Variants in ESRRG observed in about 807,000 individuals in gnomAD.
ESRRG encodes the protein estrogen related receptor gamma.
A neutral mutation model predicts 44.0 loss-of-function variants in ESRRG; 13 were observed. That is an observed-to-expected ratio of 0.30 (90% CI 0.19 to 0.47). The LOEUF (loss-of-function observed/expected upper bound fraction) is 0.47, where lower values mean the gene tolerates loss of function less well. Ranked by LOEUF, ESRRG falls within the 20% of genes least tolerant of loss-of-function variation. The pLI is 1.00. For missense variants in ESRRG, 395 were observed against 580.6 expected, an observed-to-expected ratio of 0.68 and a Z score of 3.29; for synonymous variants, 215 against 214.6, an observed-to-expected ratio of 1.00 and a Z score of -0.02.
chr1:216,596,259 C>G (rs1373631142), intron 3 of ESRRG, among the ~76,000 whole-genome samples: 2 of 152,188 alleles, frequency 1.3e-5, no homozygotes, highest in Admixed American at 6.5e-5. Flanking sequence ...TTCAGGGCTT[C>G]TTTCTCCTCT....
intron 2 of ESRRG, among the ~76,000 whole-genome samples, chr1:216,810,589 A>G (rs1451782623): frequency 6.8e-6 from 1 of 147,594 alleles, no homozygotes; most frequent in Non-Finnish European, 1.5e-5. Context: ...TATAAATTAT[A>G]TATATAATAT....
chr1:216,817,437 G>A (rs1461040424), intron 2 of ESRRG, among the ~76,000 whole-genome samples: 1 of 152,042 alleles, frequency 6.6e-6, no homozygotes, highest in African/African-American at 2.4e-5. Flanking sequence ...TTGTAAAATG[G>A]GTTTATAGGT....
chr1:216,784,482 AAGAT>A, intron 2 of ESRRG, among the ~76,000 whole-genome samples: 1 of 152,222 alleles, frequency 6.6e-6, no homozygotes, highest in South Asian at 2.1e-4. Context: ...ATATGGGTAA[AAGAT>A]ACATATAAAG....
chr1:216,631,281 T>A (rs1197917101), intron 3 of ESRRG, among the ~76,000 whole-genome samples: 1 of 152,158 alleles, frequency 6.6e-6, no homozygotes, highest in East Asian at 1.9e-4. Flanking sequence ...ATGTATACAG[T>A]CACTTTCTCA....
At chr1:216,525,108 A>C (rs2047241953) in intron 5 of ESRRG, among the ~76,000 whole-genome samples, 1 of 152,224 alleles carries the variant, frequency 6.6e-6, no homozygotes, top group Admixed American at 6.5e-5. Flanking sequence ...GCTTGCTAGA[A>C]AAATTTAAAA....
rs139976398 is a variant in ESRRG at position 217,035,009 on chromosome 1, C to T, written c.-106+54498G>A. Among the ~76,000 whole-genome samples, 673 of 152,076 alleles carry T rather than the reference C, an allele frequency of 4.4e-3. 2 individuals carry two copies. The highest frequency in any genetic ancestry group is 0.015 in the African/African-American group (639 of 41,484). On this transcript the variant is annotated intron_variant, in intron 1 of 7. Transcript: ENST00000359162. ...AAGACTTCTAATTAAATGTCAAATC[C>T]CCCTTGCTGATGGAGAACAAGATAG...
At chr1:216,944,913 T>G (rs2150010364) in intron 1 of ESRRG, among the ~76,000 whole-genome samples, 1 of 152,242 alleles carries the variant, frequency 6.6e-6, no homozygotes, top group Admixed American at 6.5e-5. Context: ...CAGGGTAATT[T>G]GACAGTTGGA....
At chr1:217,036,882 TCAG>T (rs931684598) in intron 1 of ESRRG, among the ~76,000 whole-genome samples, 3 of 151,182 alleles carry the variant, frequency 2.0e-5, no homozygotes, top group African/African-American at 7.3e-5. Context: ...AGCCAATCAG[TCAG>T]CAGCGTGACA....
intron 2 of ESRRG, among the ~76,000 whole-genome samples, chr1:216,902,759 G>A (rs1322847417): frequency 2.6e-5 from 4 of 152,274 alleles, no homozygotes; most frequent in East Asian, 1.9e-4. Flanking sequence ...TGGCTGAAAC[G>A]ACACTCAGTT....
At chr1:216,655,187 G>A (rs1052311397) in intron 2 of ESRRG, among the ~76,000 whole-genome samples, 1 of 152,162 alleles carries the variant, frequency 6.6e-6, no homozygotes, top group African/African-American at 2.4e-5. Context: ...GAACCTCTGT[G>A]TTATTCCTTG....
At chr1:217,057,693 C>G (rs907704129) in intron 1 of ESRRG, among the ~76,000 whole-genome samples, 1 of 151,980 alleles carries the variant, frequency 6.6e-6, no homozygotes, top group African/African-American at 2.4e-5. Flanking sequence ...ACTCTGAAAG[C>G]AATAAAGAGA....
At chr1:216,601,464 G>A (rs2059249319) in intron 3 of ESRRG, among the ~76,000 whole-genome samples, 1 of 152,222 alleles carries the variant, frequency 6.6e-6, no homozygotes, top group Admixed American at 6.5e-5. Flanking sequence ...GTGCGGATAA[G>A]ACTTAACACA....
chr1:217,069,881 C>T (rs1328473330), intron 1 of ESRRG, among the ~76,000 whole-genome samples: 1 of 152,200 alleles, frequency 6.6e-6, no homozygotes, highest in African/African-American at 2.4e-5. Context: ...TTGTAAATCA[C>T]AACCCTCACA....
At chr1:217,041,911 C>G (rs1255688534) in intron 1 of ESRRG, among the ~76,000 whole-genome samples, 1 of 152,216 alleles carries the variant, frequency 6.6e-6, no homozygotes. Flanking sequence ...CCCAAGAAAC[C>G]AGTAGGGTTA....
intron 3 of ESRRG, among the ~76,000 whole-genome samples, chr1:216,622,609 T>TACACACACAC (rs1553429669): frequency 2.0e-5 from 3 of 150,822 alleles, no homozygotes; most frequent in South Asian, 2.1e-4. Context: ...AAATGAAAAT[T>TACACACACAC]ACACACACGC....
chr1:216,818,305 T>C (rs1195501006), intron 2 of ESRRG, among the ~76,000 whole-genome samples: 1 of 152,212 alleles, frequency 6.6e-6, no homozygotes, highest in African/African-American at 2.4e-5. Flanking sequence ...AGAGCTAAGG[T>C]TGGCATTTTA....
chr1:216,942,720 T>C (rs1310612579), intron 1 of ESRRG, among the ~76,000 whole-genome samples: 2 of 152,120 alleles, frequency 1.3e-5, no homozygotes, highest in African/African-American at 4.8e-5. Context: ...TCTTTTGAGA[T>C]ATGTCTGTTT....
intron 5 of ESRRG, among the ~76,000 whole-genome samples, chr1:216,559,670 GC>G (rs1036498089): frequency 1.7e-4 from 26 of 152,222 alleles, no homozygotes; most frequent in African/African-American, 6.0e-4. Flanking sequence ...ATTTTATTGT[GC>G]TTTTGCACGT....
chr1:216,955,527 T>A (rs191751296), intron 1 of ESRRG, among the ~76,000 whole-genome samples: 10 of 151,212 alleles, frequency 6.6e-5, no homozygotes, highest in South Asian at 2.1e-4. Context: ...CTCTTTGATA[T>A]GCTGATTTCC....
Sources: gnomAD v4.1 joint callset for allele counts (sites outside exome capture counted in the v4.1 genomes callset) on GRCh38, gnomAD v4.1.1 for gene constraint, MANE v1.5 for transcripts, NCBI Gene and HGNC (gene_info 2026-07-23, HGNC 2026-07-21) for gene names.